Variants in HOOK1 observed in about 807,000 individuals in gnomAD.
HOOK1 encodes the protein hook microtubule tethering protein 1.
HOOK1 carries 60 observed loss-of-function variants against 112.8 expected under a neutral mutation model. The ratio of observed to expected loss-of-function variants is 0.53; its 90% CI spans 0.43 to 0.66. HOOK1 has a LOEUF of 0.66. HOOK1 is among the 30% of genes least tolerant of loss of function. HOOK1 has a pLI of 0.00. For missense variants in HOOK1, 770 were observed against 856.0 expected (o/e 0.90, Z 1.25); for synonymous variants, 294 against 283.8 (o/e 1.04, Z -0.36).
At chr1:59,862,501 C>G (rs1478305817) in intron 15 of HOOK1, among the ~76,000 whole-genome samples, 1 of 151,902 alleles carries the variant, frequency 6.6e-6, no homozygotes. Context: ...ATTTTTCTAC[C>G]AGTGAGTGCG....
intron 12 of HOOK1, among the ~76,000 whole-genome samples, chr1:59,855,967 TATATATATATATA>T (rs2098410398): frequency 3.0e-3 from 184 of 62,142 alleles, no homozygotes; most frequent in Non-Finnish European, 4.4e-3. Context: ...TATAAATTAT[TATATATATATATA>T]TATATTTTTT....
At chr1:59,864,909 A>G (rs1357523930) in intron 17 of HOOK1, 7 of 567,506 alleles carry the variant, frequency 1.2e-5, no homozygotes, top group Non-Finnish European at 2.2e-5. Context: ...TAACTATCAC[A>G]ACTAGATTAT....
At chr1:59,848,565 T>G (rs748751265) in intron 11 of HOOK1, 49 bp downstream of exon 11, 1 of 1,316,752 alleles carries the variant, frequency 7.6e-7, no homozygotes, top group Non-Finnish European at 1.1e-6. Flanking sequence ...GAGTTTAACT[T>G]TGTTATTCCT....
In HOOK1 at chr1:59,872,859, A is replaced by G; in HGVS notation, c.2081A>G (p.Asp694Gly). Residue 694 changes from aspartate to glycine, a missense_variant, in exon 22 of 22, where the codon GAC becomes GGC. Transcript: ENST00000371208. ...RLVSGGGACS[D>G]TGACTPARSF... is the part of the protein sequence containing the mutation. ...GTGAGCGGCGGTGGTGCCTGCAGTG[A>G]CACTGGTGCGTGCACTCCTGCGCGG... The G allele has an allele frequency of 6.7e-7, 1 of 1,500,306 alleles. No homozygotes were observed. The highest frequency in any genetic ancestry group is 1.3e-5 in the South Asian group (1 of 76,358). The allele number at this position is 1,500,306 out of a possible 1,614,324, so 92.9% of individuals were successfully genotyped here.
At chr1:59,817,688 C>A (rs1052389835) in intron 1 of HOOK1, among the ~76,000 whole-genome samples, 4 of 152,130 alleles carry the variant, frequency 2.6e-5, no homozygotes, top group African/African-American at 9.7e-5. Flanking sequence ...TATTCTCTTT[C>A]TAGTTCTTCC....
intron 12 of HOOK1, among the ~76,000 whole-genome samples, chr1:59,855,945 TATATATATATATATAAATTATTATA>T: frequency 3.3e-5 from 1 of 29,960 alleles, no homozygotes; most frequent in African/African-American, 1.5e-4. Context: ...AGCTAATTTA[TATATATATATATATAAATTATTATA>T]TATATATATA....
Position 59,846,592 on chromosome 1 carries a change from T to TCCCA in HOOK1, c.789-451_789-450insCACC, listed in dbSNP as rs374267510. Reference sequence around the variant, plus strand: ...CTTCCTTCCTTCCTTCCTTCCTCCCTCCTCCCTCCCTCCCTCCCTCTCTCT... The same window carrying TCCCA: ...CTTCCTTCCTTCCTTCCTTCCTCCCTCCCACCTCCCTCCCTCCCTCCCTCTCTCT... On this transcript the variant is annotated intron_variant, in intron 9 of 21. Transcript: ENST00000371208. Among the ~76,000 whole-genome samples, 27 of 43,360 alleles carry TCCCA rather than the reference T, an allele frequency of 6.2e-4. 3 individuals are homozygous for TCCCA. The South Asian group carries it at 0.014, about 23-fold the overall frequency. The allele number at this position is 43,360 out of a possible 152,430, so 28.4% of individuals were successfully genotyped here.
intron 1 of HOOK1, among the ~76,000 whole-genome samples, chr1:59,818,117 G>T (rs1456474731): frequency 6.6e-6 from 1 of 152,150 alleles, no homozygotes; most frequent in East Asian, 1.9e-4. Flanking sequence ...GTGGAAATTA[G>T]TTCTCCAGAC....
intron 1 of HOOK1, among the ~76,000 whole-genome samples, chr1:59,820,963 A>G (rs138929065): frequency 1.4e-3 from 211 of 152,294 alleles, no homozygotes; most frequent in African/African-American, 4.8e-3. Context: ...CCAGTTGCCA[A>G]CTCTGAAAAT....
At chr1:59,831,877 C>G (rs2098394230) in intron 3 of HOOK1, among the ~76,000 whole-genome samples, 1 of 152,138 alleles carries the variant, frequency 6.6e-6, no homozygotes, top group African/African-American at 2.4e-5. Context: ...AATCAAAACC[C>G]AGTTAACTTG....
intron 9 of HOOK1, among the ~76,000 whole-genome samples, chr1:59,846,562 CCTTCCTTCCTTCCTT>C (rs1559053096): frequency 8.8e-5 from 6 of 68,076 alleles, no homozygotes; most frequent in African/African-American, 1.3e-4. Flanking sequence ...TTCCTTCCTT[CCTTCCTTCCTTCCTT>C]CCTTCCTTCC....
chr1:59,861,630 A>G (rs977192909), intron 15 of HOOK1, among the ~76,000 whole-genome samples: 1 of 152,232 alleles, frequency 6.6e-6, no homozygotes. Flanking sequence ...ATGGATACAG[A>G]GAAGTTAAAT....
chr1:59,846,539 CTT>C (rs2098403910), intron 9 of HOOK1, among the ~76,000 whole-genome samples: 1 of 21,772 alleles, frequency 4.6e-5, no homozygotes, highest in Non-Finnish European at 9.2e-5. Context: ...TCCTTCCTTC[CTT>C]CCTTCCTTCC....
Position 59,874,988 on chromosome 1 carries a change from G to A in HOOK1, c.*2023G>A, listed in dbSNP as rs1403234474. 2 of 152,520 alleles carry A rather than the reference G, an allele frequency of 1.3e-5. No individual in the cohort carries two copies. The highest frequency in any genetic ancestry group is 2.9e-5 in the Non-Finnish European group (2 of 67,996). The allele number at this position is 152,520 out of a possible 1,614,324, so 9.4% of individuals were successfully genotyped here. A position where few individuals can be genotyped will look rare whatever the true frequency, so the allele number is the denominator to read the frequency against. ...AGTTTCATTTTCATATATTCTTGTA[G>A]TGTCTGCTTGCCTGTGACTTCTGGT... On this transcript the variant is annotated 3_prime_UTR_variant, in exon 22 of 22. Transcript: ENST00000371208.
chr1:59,867,103 A>G (rs1281618817), intron 19 of HOOK1, among the ~76,000 whole-genome samples: 1 of 152,194 alleles, frequency 6.6e-6, no homozygotes, highest in Non-Finnish European at 1.5e-5. Flanking sequence ...GCTTGCTTTC[A>G]TAAATATGAT....
intron 18 of HOOK1, 47 bp from the exon 19 acceptor site, chr1:59,865,825 A>G (rs1411469759): frequency 1.3e-6 from 1 of 798,830 alleles, no homozygotes; most frequent in Non-Finnish European, 2.0e-6. Context: ...TTTAATAGGT[A>G]GTAAATATTA....
chr1:59,855,674 CTCT>C (rs2098410060), intron 12 of HOOK1, among the ~76,000 whole-genome samples: 1 of 151,388 alleles, frequency 6.6e-6, no homozygotes, highest in Non-Finnish European at 1.5e-5. Context: ...AGCAATTTTT[CTCT>C]TCTTCTGGGT....
chr1:59,831,355 G>T (rs192731677), intron 3 of HOOK1, among the ~76,000 whole-genome samples: 95 of 152,186 alleles, frequency 6.2e-4, no homozygotes, highest in African/African-American at 2.3e-3. Flanking sequence ...TGAATGTTTT[G>T]TGCGTGTAGC....
chr1:59,833,021 T>C (rs532740424), intron 4 of HOOK1, among the ~76,000 whole-genome samples: 1 of 152,250 alleles, frequency 6.6e-6, no homozygotes, highest in East Asian at 1.9e-4. Flanking sequence ...ATTTACATTG[T>C]GTTTCTCTGT....
Sources: allele counts gnomAD v4.1 joint callset (sites outside exome capture counted in the v4.1 genomes callset), GRCh38; gene constraint gnomAD v4.1.1; transcripts MANE v1.5; gene names NCBI Gene and HGNC (gene_info 2026-07-23, HGNC 2026-07-21).